The following CRK variants were observed in gnomAD, a reference collection of about 807,000 sequenced individuals.
CRK encodes CRK proto-oncogene, adaptor protein.
In CRK, 4 loss-of-function variants were observed where a neutral mutation model predicts 29.8. That is an observed-to-expected ratio of 0.13 (90% CI 0.07 to 0.31). The LOEUF (loss-of-function observed/expected upper bound fraction) is 0.31. CRK is among the 10% of genes least tolerant of loss of function. CRK has a pLI of 1.00. For missense variants in CRK, 274 were observed against 396.5 expected, an observed-to-expected ratio of 0.69 and a Z score of 2.62; for synonymous variants, 153 against 164.9, an observed-to-expected ratio of 0.93 and a Z score of 0.55.
chr17:1,431,898 T>C (rs1026661424), intron 2 of CRK, among the ~76,000 whole-genome samples: 2 of 152,178 alleles, frequency 1.3e-5, no homozygotes, highest in African/African-American at 4.8e-5. Flanking sequence ...GTAATAACAG[T>C]AGTTCTAACA....
chr17:1,454,126 C>G (rs932627019), intron 1 of CRK, among the ~76,000 whole-genome samples: 1 of 151,562 alleles, frequency 6.6e-6, no homozygotes, highest in Non-Finnish European at 1.5e-5. Flanking sequence ...CACTTGAACC[C>G]AAAAGGCAAA....
chr17:1,424,861 A>C (rs1568006523), intron 2 of CRK: 1 of 151,890 alleles, frequency 6.6e-6, no homozygotes, highest in Non-Finnish European at 1.5e-5. Flanking sequence ...AAAAAATACA[A>C]AAATTAGCTG....
intron 1 of CRK, among the ~76,000 whole-genome samples, chr17:1,448,868 T>C (rs914051573): frequency 6.6e-6 from 1 of 151,990 alleles, no homozygotes; most frequent in Non-Finnish European, 1.5e-5. Flanking sequence ...GAGGATCTCT[T>C]TATTTTTTTC....
At chr17:1,433,509 CTTTTTTTTTTTT>C (rs60236552) in intron 2 of CRK, among the ~76,000 whole-genome samples, 5 of 58,596 alleles carry the variant, frequency 8.5e-5, no homozygotes, top group East Asian at 5.2e-4. Context: ...CCACGCCTGG[CTTTTTTTTTTTT>C]TTTTTTTTTT....
chr17:1,429,438 T>TA (rs1170764004), intron 2 of CRK, among the ~76,000 whole-genome samples: 4 of 152,020 alleles, frequency 2.6e-5, no homozygotes, highest in Non-Finnish European at 5.9e-5. Flanking sequence ...CATGCTCAGT[T>TA]AATTTTTGTA....
chr17:1,444,708 C>T (rs1405897799), intron 1 of CRK, among the ~76,000 whole-genome samples: 1 of 151,818 alleles, frequency 6.6e-6, no homozygotes. Context: ...AGTCTCATGC[C>T]TGTAATCCCA....
At chr17:1,423,738 C>A (rs1034439393) in intron 2 of CRK, 88 bp from the exon 3 acceptor site, 7 of 1,523,528 alleles carry the variant, frequency 4.6e-6, no homozygotes, top group Admixed American at 1.8e-5. Context: ...ACACCCTGCC[C>A]ATGTGACTGC....
intron 1 of CRK, among the ~76,000 whole-genome samples, chr17:1,454,788 T>A (rs1189563706): frequency 1.3e-5 from 2 of 152,172 alleles, no homozygotes; most frequent in African/African-American, 4.8e-5. Context: ...ACCCCAGAAT[T>A]ACTTTGTACC....
intron 2 of CRK, among the ~76,000 whole-genome samples, chr17:1,429,632 A>G (rs1159056012): frequency 1.3e-5 from 2 of 152,010 alleles, no homozygotes; most frequent in Non-Finnish European, 2.9e-5. Context: ...TCTCTTAAAA[A>G]AAAAAAAAAG....
At position 1,423,504 on chromosome 17, in the gene CRK, G is replaced by C. The variant is rs770473405; in HGVS notation, c.*9C>G. On this transcript the variant is annotated 3_prime_UTR_variant, in exon 3 of 3. Coordinates refer to ENST00000300574, the MANE Select transcript of CRK (RefSeq NM_016823.4). ...GTTCCCATCTGTCAGCAAAACTGTT[G>C]AACTATACTCAGCTGAAGTCCTCAT... is the stretch of plus-strand genomic sequence containing the variant. 5.6e-6 allele frequency: 9 copies of C among 1,608,298 alleles called. No individual in the cohort carries two copies. Among genetic ancestry groups the C allele is most frequent in the South Asian group, 4.5e-5 (4 of 89,838 alleles).
chr17:1,447,574 G>A (rs923024512), intron 1 of CRK, among the ~76,000 whole-genome samples: 1 of 150,916 alleles, frequency 6.6e-6, no homozygotes, highest in Non-Finnish European at 1.5e-5. Flanking sequence ...AGCGGGCCAG[G>A]CTCTCCTTGA....
At chr17:1,426,041 A>AACCAAGTGTG (rs1455495828) in intron 2 of CRK, among the ~76,000 whole-genome samples, 1 of 151,656 alleles carries the variant, frequency 6.6e-6, no homozygotes, top group Non-Finnish European at 1.5e-5. Flanking sequence ...AAATTTAAAA[A>AACCAAGTGTG]GCCAAGTGTG....
At chr17:1,440,132 T>C (rs2073922886) in intron 1 of CRK, among the ~76,000 whole-genome samples, 1 of 151,710 alleles carries the variant, frequency 6.6e-6, no homozygotes, top group Non-Finnish European at 1.5e-5. Flanking sequence ...ACCCCGTCTC[T>C]ACTAAAAATA....
intron 2 of CRK, 129 bp from the exon 3 acceptor site, chr17:1,423,779 T>G: frequency 8.7e-7 from 1 of 1,153,912 alleles, no homozygotes; most frequent in Non-Finnish European, 1.2e-6. Context: ...GGCCATTTGC[T>G]GCCTCCCCAG....
At chr17:1,438,981 AC>A (rs2150907001) in intron 1 of CRK, among the ~76,000 whole-genome samples, 1 of 151,856 alleles carries the variant, frequency 6.6e-6, no homozygotes, top group African/African-American at 2.4e-5. Flanking sequence ...ATACAGGCAC[AC>A]GCCACCACGC....
rs2074056881 is a variant in CRK at position 1,456,227 on chromosome 17, C to T, written c.-110G>A. 1.6e-6 allele frequency: 2 copies of T among 1,281,802 alleles called. No homozygotes were observed. The highest frequency in any genetic ancestry group is 4.3e-5 in the Admixed American group (1 of 23,342). The allele number at this position is 1,281,802 out of a possible 1,614,324, so 79.4% of individuals were successfully genotyped here. A position where few individuals can be genotyped will look rare whatever the true frequency, so the allele number is the denominator to read the frequency against. On this transcript the variant is annotated 5_prime_UTR_variant, in exon 1 of 3. Transcript: ENST00000300574. ...CCGGTTTCAGCTTCACAGCAGCGCC[C>T]GAAATGGCGGCGGCAGCCGCGGGCC...
chr17:1,444,315 C>A (rs1476133325), intron 1 of CRK, among the ~76,000 whole-genome samples: 6 of 152,098 alleles, frequency 3.9e-5, no homozygotes, highest in African/African-American at 1.2e-4. Flanking sequence ...CTAATTATTT[C>A]GTTCAATGTT....
rs977809659 is a variant in CRK at position 1,445,624 on chromosome 17, T to C, written c.242-8469A>G. On this transcript the variant is annotated intron_variant, in intron 1 of 2. Coordinates refer to ENST00000300574, the MANE Select transcript of CRK (RefSeq NM_016823.4). ...TATTCAAGTCTGGTAGTCAAGGAGA[T>C]TCATGGCTACCTTGCCTATCACCAT... Among the ~76,000 whole-genome samples the C allele has an allele frequency of 1.3e-4, 20 of 152,322 alleles. 1 individual carries two copies. Among genetic ancestry groups the C allele is most frequent in the African/African-American group, 4.1e-4 (17 of 41,564 alleles).
At chr17:1,444,196 C>T (rs567781744) in intron 1 of CRK, among the ~76,000 whole-genome samples, 1 of 152,136 alleles carries the variant, frequency 6.6e-6, no homozygotes, top group South Asian at 2.1e-4. Context: ...TGCACAGACA[C>T]CATCACTGCA....
Sources: allele counts gnomAD v4.1 joint callset (sites outside exome capture counted in the v4.1 genomes callset), GRCh38; gene constraint gnomAD v4.1.1; transcripts MANE v1.5; gene names NCBI Gene and HGNC (gene_info 2026-07-23, HGNC 2026-07-21).